The following GAPDH variants were observed in gnomAD, a reference collection of about 807,000 sequenced individuals.
GAPDH encodes the protein OCAS, p38 component.
In GAPDH, 13 loss-of-function variants were observed where a neutral mutation model predicts 31.2. The observed-to-expected ratio is 0.42, with a 90% CI of 0.27 to 0.66. The LOEUF (loss-of-function observed/expected upper bound fraction) is 0.66. Among genes scored for constraint, GAPDH ranks in the 30% least tolerant of loss-of-function variants. The pLI is 0.26. For missense variants in GAPDH, 300 were observed against 443.7 expected (o/e 0.68, Z 2.91); for synonymous variants, 211 against 166.9 (o/e 1.26, Z -2.04).
Position 6,538,370 on chromosome 12 carries a change from CA to C in GAPDH, c.*201del. ...ATCAATAAAGTACCCTGTGCTCAAC[CA>C]GTTACTTGTCCTGTCTTATTCTAGG... On this transcript the variant is annotated 3_prime_UTR_variant, in exon 9 of 9. Transcript: ENST00000229239. The C allele has an allele frequency of 3.4e-6, 2 of 590,088 alleles. No homozygotes were observed. The highest frequency in any genetic ancestry group is 6.0e-6 in the Non-Finnish European group (2 of 331,544). 36.6% of individuals were successfully genotyped at this position (590,088 alleles called of 1,614,324 possible). A position where few individuals can be genotyped will look rare whatever the true frequency, so the allele number is the denominator to read the frequency against.
intron 2 of GAPDH, among the ~76,000 whole-genome samples, chr12:6,536,097 G>T (rs1946458123): frequency 2.0e-5 from 3 of 152,230 alleles, no homozygotes; most frequent in Admixed American, 1.3e-4. Context: ...TGCCCTTTGA[G>T]TTTGATGATG....
chr12:6,536,403 T>TA, intron 2 of GAPDH, 91 bp from the exon 3 acceptor site: 2 of 904,392 alleles, frequency 2.2e-6, no homozygotes, highest in Admixed American at 3.5e-5. Context: ...AGATGCTGCA[T>TA]TCGCCCTCTT....
At chr12:6,534,747 G>A (rs1946419981) in intron 1 of GAPDH, 63 bp from the exon 2 acceptor site, 1 of 1,410,398 alleles carries the variant, frequency 7.1e-7, no homozygotes, top group Non-Finnish European at 1.0e-6. Context: ...GTGGGGGAGG[G>A]GAGGGGAGGC....
rs906574532 is a variant in GAPDH, at chr12:6,537,471, C to T, written c.525+81C>T. The T allele has an allele frequency of 2.5e-6, 4 of 1,584,300 alleles. No homozygotes were observed. In the African/African-American group the frequency reaches 4.0e-5, roughly 16 times the overall value. On this transcript the variant is annotated intron_variant, in intron 7 of 8. Transcript: ENST00000229239. This position sits in a 1 kb window ranked among gnomAD's most constrained non-coding sequence, Gnocchi z 4.9. The stretch of plus-strand genomic sequence containing the variant: ...TCCTCCCTGCCGGGGCTGCGTGCAA[C>T]CCTGGGGTTGGGGGTTCTGGGGACT...
Position 6,534,549 on chromosome 12 carries a change from C to A in GAPDH, c.-44C>A, listed in dbSNP as rs527918526. 1.9e-6 allele frequency: 1 copy of A among 513,736 alleles called. No homozygotes were observed. Among genetic ancestry groups the A allele is most frequent in the Non-Finnish European group, 3.5e-6 (1 of 287,286 alleles). The allele number at this position is 513,736 out of a possible 1,614,324, so 31.8% of individuals were successfully genotyped here. ...GCTCCTCCTGTTCGACAGTCAGCCGCATCTTCTTTTGCGTCGCCAGGTGAA... is the reference window on the plus strand; with the variant it reads ...GCTCCTCCTGTTCGACAGTCAGCCGAATCTTCTTTTGCGTCGCCAGGTGAA... On this transcript the variant is annotated 5_prime_UTR_variant, in exon 1 of 9. Coordinates refer to ENST00000229239, the MANE Select transcript of GAPDH (RefSeq NM_002046.7).
intron 2 of GAPDH, 86 bp from the exon 3 acceptor site, chr12:6,536,406 GCC>G: frequency 1.1e-6 from 1 of 920,500 alleles, no homozygotes; most frequent in Non-Finnish European, 1.8e-6. Context: ...TGCTGCATTC[GCC>G]CTCTTAATGG....
Position 6,536,504 on chromosome 12 carries a change from A to G in GAPDH, c.40A>G (p.Ile14Val). ...VKVGVNGFGR[I>V]GRLVTRAAFN... is the part of the protein sequence containing the mutation. ...CCTCTTGTCTCTTAGATTTGGTCGT[A>G]TTGGGCGCCTGGTCACCAGGGCTGC... Residue 14 changes from isoleucine to valine, a missense_variant, in exon 3 of 9, where the codon ATT (isoleucine) becomes GTT (valine). Coordinates refer to ENST00000229239, the MANE Select transcript of GAPDH (RefSeq NM_002046.7). The G allele has an allele frequency of 6.2e-7, 1 of 1,613,526 alleles. No individual in the cohort carries two copies. Among genetic ancestry groups the G allele is most frequent in the Non-Finnish European group, 8.5e-7 (1 of 1,179,770 alleles).
chr12:6,536,467 C>A, intron 2 of GAPDH, 27 bp from the exon 3 acceptor site: 1 of 1,563,452 alleles, frequency 6.4e-7, no homozygotes, highest in Non-Finnish European at 8.8e-7. Flanking sequence ...CTCCCCTCCT[C>A]ATGCCTTCTT....
rs1391969599 is a variant in GAPDH at position 6,536,536 on chromosome 12, C to T, written c.72C>T (p.Asn24=). ...GCCTGGTCACCAGGGCTGCTTTTAA[C>T]TCTGGTAAAGTGGATATTGTTGCCA... ...IGRLVTRAAF[N]SGKVDIVAIN... The change falls in exon 3 of 9, where the codon AAC becomes AAT. Residue 24 remains asparagine, a synonymous_variant. Transcript: ENST00000229239. 1 of 1,613,838 alleles carries T rather than the reference C, an allele frequency of 6.2e-7. No homozygotes were observed. Among genetic ancestry groups the T allele is most frequent in the South Asian group, 1.1e-5 (1 of 91,078 alleles).
intron 2 of GAPDH, chr12:6,535,405 A>T (rs45534631): frequency 2.0e-6 from 2 of 988,880 alleles, no homozygotes; most frequent in Admixed American, 5.9e-5. Flanking sequence ...CGGGGAAGTC[A>T]GGTGGAGCGA....
Position 6,538,354 on chromosome 12 carries a change from G to A in GAPDH, c.*184G>A. On this transcript the variant is annotated 3_prime_UTR_variant, in exon 9 of 9. Coordinates refer to ENST00000229239, the MANE Select transcript of GAPDH (RefSeq NM_002046.7). ...CACCTTGTCATGTACCATCAATAAA[G>A]TACCCTGTGCTCAACCAGTTACTTG... The A allele has an allele frequency of 3.3e-6, 2 of 603,502 alleles. No individual in the cohort carries two copies. The highest frequency in any genetic ancestry group is 5.9e-6 in the Non-Finnish European group (2 of 338,262). 37.4% of individuals were successfully genotyped at this position (603,502 alleles called of 1,614,324 possible).
rs1592189476 is a variant in GAPDH, at chr12:6,537,931, C to T, written c.873C>T (p.His291=). ...CCTCTGACTTCAACAGCGACACCCA[C>T]TCCTCCACCTTTGACGCTGGGGCTG... ...VVSSDFNSDT[H]SSTFDAGAGI... Residue 291 remains histidine, a synonymous_variant, in exon 8 of 9, where the codon CAC becomes CAT. Coordinates refer to ENST00000229239, the MANE Select transcript of GAPDH (RefSeq NM_002046.7). This position sits in a 1 kb window ranked among gnomAD's most constrained non-coding sequence, Gnocchi z 4.9. 1 of 1,614,188 alleles carries T rather than the reference C, an allele frequency of 6.2e-7. No homozygotes were observed. Among genetic ancestry groups the T allele is most frequent in the South Asian group, 1.1e-5 (1 of 91,090 alleles).
At position 6,537,585 on chromosome 12, in the gene GAPDH, C is replaced by CT; in HGVS notation, c.527_528insT (p.Thr177HisfsTer22). 6.2e-7 allele frequency: 1 copy of CT among 1,610,932 alleles called. No individual in the cohort carries two copies. Among genetic ancestry groups the CT allele is most frequent in the Non-Finnish European group, 8.5e-7 (1 of 1,179,016 alleles). On this transcript the variant is annotated frameshift_variant and splice_region_variant, in exon 8 of 9. Transcript: ENST00000229239. LOFTEE classifies it high-confidence loss of function. The surrounding 1 kb of genome is among the most constrained non-coding windows in gnomAD (Gnocchi z 4.9). ...TGCAGGGCCTCACTCCTTTTGCAGACCACAGTCCATGCCATCACTGCCACC... is the reference window on the plus strand; with the variant it reads ...TGCAGGGCCTCACTCCTTTTGCAGACTCACAGTCCATGCCATCACTGCCACC...
At position 6,534,530 on chromosome 12, in the gene GAPDH, C is replaced by T. The variant is rs1385128877; in HGVS notation, c.-63C>T. 2.1e-6 allele frequency: 1 copy of T among 476,312 alleles called. No homozygotes were observed. Among genetic ancestry groups the T allele is most frequent in the Non-Finnish European group, 3.8e-6 (1 of 263,006 alleles). 29.5% of individuals were successfully genotyped at this position (476,312 alleles called of 1,614,324 possible). On this transcript the variant is annotated 5_prime_UTR_variant, in exon 1 of 9. Transcript: ENST00000229239. ...GCCTCCCGCTTCGCTCTCTGCTCCT[C>T]CTGTTCGACAGTCAGCCGCATCTTC...
chr12:6,535,143 A>T (rs771354797), intron 2 of GAPDH: 2 of 975,796 alleles, frequency 2.0e-6, no homozygotes, highest in Non-Finnish European at 2.7e-6. Flanking sequence ...CCGGACCCCT[A>T]GGTGGGGGAC....
intron 2 of GAPDH, 72 bp from the exon 3 acceptor site, chr12:6,536,422 G>C: frequency 9.2e-7 from 1 of 1,081,764 alleles, no homozygotes; most frequent in Non-Finnish European, 1.4e-6. Flanking sequence ...TTAATGGGGA[G>C]GTGGCCTAGG....
chr12:6,537,069 C>A lies in GAPDH; in HGVS notation c.328-32C>A. ...GACTCAGCCCTGCAAAGGCAGGACC[C>A]GGGTTCATAACTGTCTGCTTCTCTG... On this transcript the variant is annotated intron_variant, in intron 5 of 8. Transcript: ENST00000229239. The surrounding 1 kb of genome is among the most constrained non-coding windows in gnomAD (Gnocchi z 4.9). 6.2e-7 allele frequency: 1 copy of A among 1,607,844 alleles called. No individual in the cohort carries two copies. Among genetic ancestry groups the A allele is most frequent in the Non-Finnish European group, 8.5e-7 (1 of 1,176,872 alleles).
At position 6,534,532 on chromosome 12, in the gene GAPDH, T is replaced by G; in HGVS notation, c.-61T>G. On this transcript the variant is annotated 5_prime_UTR_variant, in exon 1 of 9. Coordinates refer to ENST00000229239, the MANE Select transcript of GAPDH (RefSeq NM_002046.7). The stretch of plus-strand genomic sequence containing the variant: ...CTCCCGCTTCGCTCTCTGCTCCTCC[T>G]GTTCGACAGTCAGCCGCATCTTCTT... 1 of 478,346 alleles carries G rather than the reference T, an allele frequency of 2.1e-6. No homozygotes were observed. Among genetic ancestry groups the G allele is most frequent in the Non-Finnish European group, 3.8e-6 (1 of 264,000 alleles). 29.6% of individuals were successfully genotyped at this position (478,346 alleles called of 1,614,324 possible).
rs762031906 is a variant in GAPDH at position 6,537,965 on chromosome 12, C to T, written c.907C>T (p.Leu303Phe). 6.2e-7 allele frequency: 1 copy of T among 1,613,796 alleles called. No individual in the cohort carries two copies. The highest frequency in any genetic ancestry group is 8.5e-7 in the Non-Finnish European group (1 of 1,179,780). ...CTTTGACGCTGGGGCTGGCATTGCC[C>T]TCAACGACCACTTTGTCAAGCTCAT... ...STFDAGAGIA[L>F]NDHFVKLISW... Residue 303 changes from leucine (L) to phenylalanine (F), a missense_variant, in exon 8 of 9, where the codon CTC (leucine) becomes TTC (phenylalanine). Coordinates refer to ENST00000229239, the MANE Select transcript of GAPDH (RefSeq NM_002046.7). The surrounding 1 kb of genome is among the most constrained non-coding windows in gnomAD (Gnocchi z 4.9).
Sources: gnomAD v4.1 joint callset for allele counts (sites outside exome capture counted in the v4.1 genomes callset) on GRCh38, gnomAD v4.1.1 for gene constraint, Gnocchi (gnomAD v3.1) non-coding constraint, MANE v1.5 for transcripts, NCBI Gene and HGNC (gene_info 2026-07-23, HGNC 2026-07-21) for gene names.